SOX6: variants seen among roughly 807,000 people sequenced by gnomAD.
SOX6 encodes SRY-box transcription factor 6, also known as transcription factor SOX-6.
A neutral mutation model predicts 97.8 loss-of-function variants in SOX6; 11 were observed. The ratio of observed to expected loss-of-function variants is 0.11; its 90% CI spans 0.07 to 0.19. SOX6 has a LOEUF of 0.19. Among genes scored for constraint, SOX6 ranks in the 10% least tolerant of loss-of-function variants. The pLI is 1.00. For missense variants in SOX6, 810 were observed against 1,039.5 expected (o/e 0.78, Z 3.04); for synonymous variants, 360 against 371.4 (o/e 0.97, Z 0.35).
chr11:16,369,869 G>A (rs752460384), intron 1 of SOX6, among the ~76,000 whole-genome samples: 1 of 152,164 alleles, frequency 6.6e-6, no homozygotes, highest in Non-Finnish European at 1.5e-5. Flanking sequence ...TAAGAAACTA[G>A]AAGGTGGGAA....
At chr11:16,465,340 G>T (rs1053383287) in intron 1 of SOX6, among the ~76,000 whole-genome samples, 6 of 152,094 alleles carry the variant, frequency 3.9e-5, no homozygotes, top group African/African-American at 1.2e-4. Context: ...CCTTAAAACT[G>T]CCAGCTGTCC....
chr11:16,565,721 T>TAAAAAAAA (rs869172397), intron 4 of SOX6, among the ~76,000 whole-genome samples: 1 of 6,444 alleles, frequency 1.6e-4, no homozygotes, highest in Admixed American at 1.4e-3. Context: ...AATAAATAAA[T>TAAAAAAAA]AAAAAAAAAA....
chr11:16,222,986 C>A (rs978601506), intron 4 of SOX6, among the ~76,000 whole-genome samples: 9 of 152,100 alleles, frequency 5.9e-5, no homozygotes, highest in Non-Finnish European at 1.3e-4. Flanking sequence ...TTATGCAGCA[C>A]AAAATTTAAA....
At chr11:16,485,623 C>G (rs1003433310) in intron 4 of SOX6, among the ~76,000 whole-genome samples, 2 of 150,952 alleles carry the variant, frequency 1.3e-5, no homozygotes, top group Non-Finnish European at 3.0e-5. Context: ...CCCAGCTACT[C>G]GGGAGGCTGA....
intron 4 of SOX6, among the ~76,000 whole-genome samples, chr11:16,489,153 T>C (rs1860476560): frequency 6.6e-6 from 1 of 152,176 alleles, no homozygotes; most frequent in African/African-American, 2.4e-5. Context: ...GTAAACACTT[T>C]CCATTTTTCA....
intron 4 of SOX6, among the ~76,000 whole-genome samples, chr11:16,201,567 G>C (rs1171033477): frequency 6.7e-6 from 1 of 149,636 alleles, no homozygotes; most frequent in African/African-American, 2.4e-5. Flanking sequence ...CAATGTATAG[G>C]TTCTAATAAT....
chr11:16,585,940 C>T (rs943910559), intron 4 of SOX6, among the ~76,000 whole-genome samples: 8 of 152,096 alleles, frequency 5.3e-5, no homozygotes, highest in African/African-American at 1.9e-4. Context: ...GCCTCAGCCT[C>T]CCAAAGTGCT....
intron 3 of SOX6, among the ~76,000 whole-genome samples, chr11:16,237,552 G>A (rs1853061184): frequency 6.6e-6 from 1 of 151,848 alleles, no homozygotes; most frequent in Non-Finnish European, 1.5e-5. Context: ...GACCTATTCT[G>A]ATCAAGCATA....
intron 4 of SOX6, among the ~76,000 whole-genome samples, chr11:16,493,349 A>C (rs4757407): frequency 0.37 from 55,954 of 152,036 alleles, 10,434 homozygotes; most frequent in Admixed American, 0.44. Flanking sequence ...ATATATAAAG[A>C]CCATTTATAT....
intron 3 of SOX6, among the ~76,000 whole-genome samples, chr11:16,642,748 A>G (rs1423766237): frequency 6.6e-6 from 1 of 152,164 alleles, no homozygotes; most frequent in Non-Finnish European, 1.5e-5. Flanking sequence ...TTCTCATGCC[A>G]TGGTTTTCAG....
chr11:16,287,638 TAA>T (rs1227914913), intron 3 of SOX6, among the ~76,000 whole-genome samples: 1 of 152,140 alleles, frequency 6.6e-6, no homozygotes, highest in Admixed American at 6.6e-5. Context: ...TAGAATAGCA[TAA>T]GAGTATCTGT....
chr11:16,186,719 G>T lies in SOX6; in HGVS notation c.708+64C>A, dbSNP rs1435516971. 8 of 1,536,800 alleles carry T rather than the reference G, an allele frequency of 5.2e-6. No individual in the cohort carries two copies. In the East Asian group the frequency reaches 9.0e-5, roughly 17 times the overall value. On this transcript the variant is annotated intron_variant, in intron 5 of 15. Transcript: ENST00000683767. ...TTACAACAAATAAGCCAATCAATTT[G>T]ATTACTCTCTGAGCCTGGCACATTC... is the stretch of plus-strand genomic sequence containing the variant.
At chr11:16,617,608 C>T (rs1321189365) in intron 3 of SOX6, among the ~76,000 whole-genome samples, 1 of 151,834 alleles carries the variant, frequency 6.6e-6, no homozygotes, top group Non-Finnish European at 1.5e-5. Flanking sequence ...CCTAGTTCTA[C>T]ATCACTTCAA....
chr11:16,112,525 T>A (rs1256985914), intron 6 of SOX6, among the ~76,000 whole-genome samples: 1 of 152,180 alleles, frequency 6.6e-6, no homozygotes, highest in East Asian at 1.9e-4. Context: ...ATAAATTGCT[T>A]GTCTGGCTAA....
chr11:16,525,159 A>G (rs1861136180), intron 4 of SOX6, among the ~76,000 whole-genome samples: 2 of 152,202 alleles, frequency 1.3e-5, no homozygotes, highest in Non-Finnish European at 2.9e-5. Flanking sequence ...ACCAAAAAAG[A>G]GCCCGCATTG....
At chr11:16,591,362 G>GATAGATAA (rs1554976555) in intron 4 of SOX6, among the ~76,000 whole-genome samples, 10,109 of 149,854 alleles carry the variant, frequency 0.067, 628 homozygotes, top group East Asian at 0.19. Context: ...CAGATAGATA[G>GATAGATAA]ATAGATAGAT....
intron 4 of SOX6, among the ~76,000 whole-genome samples, chr11:16,516,543 C>A (rs1293942491): frequency 2.0e-5 from 3 of 152,020 alleles, no homozygotes; most frequent in African/African-American, 7.3e-5. Context: ...GAGAATACTA[C>A]AAACACCTCT....
In SOX6 at chr11:16,548,764, T is replaced by C. The variant is rs182948569; in HGVS notation, n.609+63317A>G. On this transcript the variant is annotated intron_variant and non_coding_transcript_variant, in intron 4 of 5. Coordinates refer to the SOX6 transcript ENST00000524520. Reference sequence around the variant, plus strand: ...AGTTCAAGAGACCTATTGTACAACATAGTGACTATAGTCAATAACAATATA... The same window carrying C: ...AGTTCAAGAGACCTATTGTACAACACAGTGACTATAGTCAATAACAATATA... 3.3e-3 allele frequency among the ~76,000 whole-genome samples: 499 copies of C among 152,232 alleles called. 1 individual carries two copies. The highest frequency in any genetic ancestry group is 5.2e-3 in the Non-Finnish European group (354 of 68,008).
intron 6 of SOX6, among the ~76,000 whole-genome samples, chr11:16,133,330 C>T (rs977382218): frequency 3.9e-5 from 6 of 152,130 alleles, no homozygotes; most frequent in Admixed American, 1.3e-4. Context: ...GCTACAGTTG[C>T]TTTTCAAGGA....
Sources: allele counts gnomAD v4.1 joint callset (sites outside exome capture counted in the v4.1 genomes callset), GRCh38; gene constraint gnomAD v4.1.1; transcripts MANE v1.5; gene names NCBI Gene and HGNC (gene_info 2026-07-23, HGNC 2026-07-21).